CIT: variants seen among roughly 807,000 people sequenced by gnomAD.
The protein encoded by CIT is citron Rho-interacting kinase.
In CIT, 79 loss-of-function variants were observed where a neutral mutation model predicts 272.7. The ratio of observed to expected loss-of-function variants is 0.29; its 90% CI spans 0.24 to 0.35. The LOEUF is 0.35. CIT is among the 10% of genes least tolerant of loss of function. CIT has a pLI of 1.00. For synonymous variants in CIT, 948 were observed against 995.6 expected (o/e 0.95, Z 0.90); for missense variants, 1,909 against 2,618.3 (o/e 0.73, Z 5.91).
At position 119,697,502 on chromosome 12, in the gene CIT, G is replaced by A. The variant is rs1185846441; in HGVS notation, c.5882+157C>T. Among the ~76,000 whole-genome samples the A allele has an allele frequency of 6.6e-6, 1 of 152,192 alleles. No homozygotes were observed. The highest frequency in any genetic ancestry group is 1.5e-5 in the Non-Finnish European group (1 of 68,040). ...ATTCTCCTGATGCTCATAATGGTCT[G>A]TGTTATTTCAGTGCCGCAGATCGCA... On this transcript the variant is annotated intron_variant, in intron 46 of 47. Coordinates refer to ENST00000392521, the MANE Select transcript of CIT (RefSeq NM_001206999.2). This position sits in a 1 kb window ranked among gnomAD's most constrained non-coding sequence, Gnocchi z 4.9.
At chr12:119,792,138 G>A (rs11064910) in intron 10 of CIT, among the ~76,000 whole-genome samples, 9,711 of 152,206 alleles carry the variant, frequency 0.064, 670 homozygotes, top group African/African-American at 0.17. Flanking sequence ...TCACTACTGC[G>A]ATGATTAAGT....
chr12:119,850,192 G>A lies in CIT; in HGVS notation c.498C>T (p.Asp166=), dbSNP rs1317520835. 1.2e-6 allele frequency: 2 copies of A among 1,607,844 alleles called. No individual in the cohort carries two copies. The highest frequency in any genetic ancestry group is 1.3e-5 in the African/African-American group (1 of 74,698). The part of the protein sequence containing the change: ...WIPQLQYAFQ[D]KNHLYLVMEY... ...GACTCACCAGATAAAGGTGATTTTT[G>A]TCCTGAAAGGCATACTGTAATTGGG... The change falls in exon 5 of 48, where the codon GAC becomes GAT. Residue 166 remains aspartate (D), a synonymous_variant. Coordinates refer to ENST00000392521, the MANE Select transcript of CIT (RefSeq NM_001206999.2).
intron 20 of CIT, among the ~76,000 whole-genome samples, chr12:119,759,736 C>T (rs1961511852): frequency 6.6e-6 from 1 of 152,136 alleles, no homozygotes; most frequent in African/African-American, 2.4e-5. Context: ...TCCCCCCACC[C>T]CTGTGGAAAA....
chr12:119,835,533 G>A (rs1277331822), intron 5 of CIT, among the ~76,000 whole-genome samples: 1 of 152,108 alleles, frequency 6.6e-6, no homozygotes, highest in Middle Eastern at 3.4e-3. Context: ...CATTTTATTA[G>A]CCATGCTATA....
intron 29 of CIT, 33 bp downstream of exon 29, chr12:119,721,276 A>AT: frequency 6.4e-7 from 1 of 1,573,734 alleles, no homozygotes; most frequent in South Asian, 1.1e-5. Context: ...CGTGCAGACC[A>AT]TTTTTAAGCA....
At chr12:119,707,051 CTT>C (rs10660178) in intron 40 of CIT, among the ~76,000 whole-genome samples, 1 of 152,064 alleles carries the variant, frequency 6.6e-6, no homozygotes, top group Non-Finnish European at 1.5e-5. Flanking sequence ...TTCTCATGAA[CTT>C]TGTTATGTAA....
At chr12:119,783,871 C>T in intron 12 of CIT, 37 bp downstream of exon 12, 1 of 1,538,736 alleles carries the variant, frequency 6.5e-7, no homozygotes, top group East Asian at 2.3e-5. Context: ...ACAGGAAGTG[C>T]CACCTCCAAG....
rs1297790606 is a variant in CIT at position 119,692,528 on chromosome 12, C to T, written c.5883-2074G>A. 2.0e-5 allele frequency among the ~76,000 whole-genome samples: 3 copies of T among 152,180 alleles called. No individual in the cohort carries two copies. The East Asian group carries it at 5.8e-4, about 29-fold the overall frequency. The stretch of plus-strand genomic sequence containing the variant: ...CTAGAACAGGCTTGAGGGCCAAATC[C>T]GGAAGATGCTTGTTTTTATAAATAC... On this transcript the variant is annotated intron_variant, in intron 46 of 47. Coordinates refer to ENST00000392521, the MANE Select transcript of CIT (RefSeq NM_001206999.2).
At chr12:119,774,886 A>G (rs1378927640) in intron 16 of CIT, among the ~76,000 whole-genome samples, 1 of 151,386 alleles carries the variant, frequency 6.6e-6, no homozygotes, top group African/African-American at 2.4e-5. Flanking sequence ...AGGTGGGAGG[A>G]TCACCTGAGC....
chr12:119,751,446 G>T (rs750072248), intron 23 of CIT, among the ~76,000 whole-genome samples: 2 of 151,874 alleles, frequency 1.3e-5, no homozygotes, highest in Non-Finnish European at 2.9e-5. Flanking sequence ...CCCGCTCCAA[G>T]TTCTACCTCC....
intron 10 of CIT, among the ~76,000 whole-genome samples, chr12:119,796,240 C>T (rs1285512092): frequency 6.6e-6 from 1 of 152,214 alleles, no homozygotes; most frequent in African/African-American, 2.4e-5. Context: ...TGACATCATC[C>T]AACCTATGCT....
chr12:119,752,056 T>C lies in CIT; in HGVS notation c.2898A>G (p.Ala966=), dbSNP rs375607396. 1.2e-4 allele frequency: 189 copies of C among 1,611,480 alleles called. No homozygotes were observed. The highest frequency in any genetic ancestry group is 6.5e-4 in the Middle Eastern group (3 of 4,636). The change falls in exon 23 of 48, where the codon GCA becomes GCG. Residue 966 remains alanine (A), a synonymous_variant. Transcript: ENST00000392521. ...TTAEAEEEIQ[A]LTAHRDEIQR... Reference sequence around the variant, plus strand: ...TGTTGCTCCCCAGACCTACCGTGAGTGCCTGGATCTCCTCTTCAGCTTCTG... The same window carrying C: ...TGTTGCTCCCCAGACCTACCGTGAGCGCCTGGATCTCCTCTTCAGCTTCTG...
rs539531024 is a variant in CIT at position 119,832,333 on chromosome 12, T to C, written c.753+438A>G. 4.6e-5 allele frequency among the ~76,000 whole-genome samples: 7 copies of C among 152,356 alleles called. No homozygotes were observed. In the East Asian group the frequency reaches 1.2e-3, roughly 25 times the overall value. The stretch of plus-strand genomic sequence containing the variant: ...GACTTAAAAATGATATTTTGAGCAC[T>C]TGGTTCTTAACACTTAAGGATATTT... On this transcript the variant is annotated intron_variant, in intron 7 of 47. Coordinates refer to ENST00000392521, the MANE Select transcript of CIT (RefSeq NM_001206999.2).
In CIT at chr12:119,763,046, A is replaced by G. The variant is rs1962008486; in HGVS notation, c.2305-1991T>C. On this transcript the variant is annotated intron_variant, in intron 19 of 47. Coordinates refer to ENST00000392521, the MANE Select transcript of CIT (RefSeq NM_001206999.2). ...GGGTGATGGAGCAAGAACCTGTCTC[A>G]AAACAATAAACAGATAAATAAAAGA... is the stretch of plus-strand genomic sequence containing the variant. Among the ~76,000 whole-genome samples, 3 of 152,186 alleles carry G rather than the reference A, an allele frequency of 2.0e-5. No individual in the cohort carries two copies. The South Asian group carries it at 6.2e-4, about 32-fold the overall frequency.
At chr12:119,763,723 G>C (rs993217109) in intron 19 of CIT, among the ~76,000 whole-genome samples, 1 of 152,132 alleles carries the variant, frequency 6.6e-6, no homozygotes, top group African/African-American at 2.4e-5. Context: ...TCAATGTCTG[G>C]TTGGAAAAGG....
At chr12:119,749,351 G>A (rs748851511) in intron 23 of CIT, among the ~76,000 whole-genome samples, 7 of 152,244 alleles carry the variant, frequency 4.6e-5, no homozygotes, top group Non-Finnish European at 5.9e-5. Flanking sequence ...TGATGCTTGT[G>A]CAGGGTCTCC....
chr12:119,735,429 T>C, intron 24 of CIT, 72 bp from the exon 25 acceptor site: 3 of 1,500,476 alleles, frequency 2.0e-6, no homozygotes, highest in Non-Finnish European at 2.8e-6. Context: ...TCTAGGGCTA[T>C]GGATTTCTGA....
At chr12:119,772,057 C>A (rs1963218636) in intron 17 of CIT, among the ~76,000 whole-genome samples, 1 of 151,750 alleles carries the variant, frequency 6.6e-6, no homozygotes, top group Non-Finnish European at 1.5e-5. Context: ...TGAGGATGGC[C>A]CAAAAGAGAC....
chr12:119,827,127 G>A (rs1351174717), intron 7 of CIT, among the ~76,000 whole-genome samples: 1 of 152,022 alleles, frequency 6.6e-6, no homozygotes. Flanking sequence ...TTGTCCACCG[G>A]TTTGGGCAAT....
Sources: allele counts gnomAD v4.1 joint callset (sites outside exome capture counted in the v4.1 genomes callset), GRCh38; gene constraint gnomAD v4.1.1; non-coding constraint Gnocchi (gnomAD v3.1); transcripts MANE v1.5; gene names NCBI Gene and HGNC (gene_info 2026-07-23, HGNC 2026-07-21).